DRG1: variants seen among roughly 807,000 people sequenced by gnomAD.
DRG1 encodes developmentally-regulated GTP-binding protein 1.
A neutral mutation model predicts 38.8 loss-of-function variants in DRG1; 19 were observed. The ratio of observed to expected loss-of-function variants is 0.49; its 90% confidence interval spans 0.34 to 0.72. The LOEUF (loss-of-function observed/expected upper bound fraction) is 0.72. DRG1 is among the 30% of genes least tolerant of loss of function. DRG1 has a pLI of 0.01. For synonymous variants in DRG1, 167 were observed against 157.5 expected, an observed-to-expected ratio of 1.06 and a Z score of -0.45; for missense variants, 299 against 444.8, an observed-to-expected ratio of 0.67 and a Z score of 2.95.
intron 6 of DRG1, 104 bp downstream of exon 6, chr22:31,423,514 T>G: frequency 1.7e-6 from 2 of 1,174,828 alleles, no homozygotes; most frequent in Non-Finnish European, 2.4e-6. Context: ...ATTCCAGTTG[T>G]CCTACTGTCT....
chr22:31,412,640 T>C (rs1363089279), intron 4 of DRG1, among the ~76,000 whole-genome samples: 1 of 151,996 alleles, frequency 6.6e-6, no homozygotes, highest in Non-Finnish European at 1.5e-5. Flanking sequence ...TGAACCACCG[T>C]GCCTGGCCCT....
At chr22:31,416,899 CAAAAA>C (rs695533) in intron 4 of DRG1, among the ~76,000 whole-genome samples, 2 of 127,402 alleles carry the variant, frequency 1.6e-5, no homozygotes, top group Non-Finnish European at 1.7e-5. Flanking sequence ...GATTCTGTCT[CAAAAA>C]AAAAAAAAAA....
chr22:31,407,294 C>T (rs535557192), intron 3 of DRG1, among the ~76,000 whole-genome samples: 6 of 152,218 alleles, frequency 3.9e-5, no homozygotes, highest in South Asian at 4.1e-4. Flanking sequence ...TGCTCATTTT[C>T]GCATCCATCT....
intron 6 of DRG1, among the ~76,000 whole-genome samples, chr22:31,424,512 T>TTG (rs2050096900): frequency 6.9e-6 from 1 of 143,950 alleles, no homozygotes; most frequent in Admixed American, 7.0e-5. Context: ...TTTTTTTTTT[T>TTG]TGTGAGACAA....
intron 4 of DRG1, among the ~76,000 whole-genome samples, chr22:31,416,728 C>T (rs888214311): frequency 2.0e-5 from 3 of 151,986 alleles, no homozygotes; most frequent in African/African-American, 7.2e-5. Context: ...CATGGTGAAA[C>T]CGCGTGTCTA....
At position 31,427,153 on chromosome 22, in the gene DRG1, T is replaced by G. The variant is rs1241676141; in HGVS notation, c.975T>G (p.Ile325Met). 3 of 1,614,140 alleles carry G rather than the reference T, an allele frequency of 1.9e-6. No individual in the cohort carries two copies. Among genetic ancestry groups the G allele is most frequent in the African/African-American group, 1.3e-5 (1 of 75,040 alleles). The change falls in exon 8 of 9, where the codon ATT becomes ATG. Residue 325 changes from isoleucine (I) to methionine (M), a missense_variant. This residue lies in a region of DRG1 where 198 missense variants were observed against 268.1 expected (regional missense o/e 0.74). Coordinates refer to ENST00000331457, the MANE Select transcript of DRG1 (RefSeq NM_004147.4). Reference protein sequence around the residue: ...RTTVEDFCMKIHKNLIKEFKY... With the variant: ...RTTVEDFCMKMHKNLIKEFKY... ...CAGTGGAGGATTTCTGCATGAAGAT[T>G]CACAAAAATCTTATCAAAGAATTTA...
intron 3 of DRG1, among the ~76,000 whole-genome samples, chr22:31,408,019 G>T (rs191099917): frequency 6.7e-6 from 1 of 150,138 alleles, no homozygotes; most frequent in Non-Finnish European, 1.5e-5. Context: ...CCAGCTACTC[G>T]GGAGGCTGAG....
At chr22:31,411,208 T>A in intron 4 of DRG1, 127 bp downstream of exon 4, 1 of 998,920 alleles carries the variant, frequency 1.0e-6, no homozygotes, top group Non-Finnish European at 1.5e-6. Context: ...GACTTCTCAT[T>A]TAAGTTGAAG....
At position 31,428,152 on chromosome 22, in the gene DRG1, TA is replaced by T. The variant is rs533099363; in HGVS notation, c.1004+971del. Among the ~76,000 whole-genome samples the T allele has an allele frequency of 1.6e-4, 24 of 152,032 alleles. No individual in the cohort carries two copies. The South Asian group carries it at 4.8e-3, about 30-fold the overall frequency. ...TAGGTGTGAGCCACTATGCCCAGCA[TA>T]TTAATTTTTTATTTTGAACTTATTT... On this transcript the variant is annotated intron_variant, in intron 8 of 8. Transcript: ENST00000331457.
intron 2 of DRG1, among the ~76,000 whole-genome samples, chr22:31,401,287 CA>C (rs770447979): frequency 0.022 from 2,505 of 114,830 alleles, 17 homozygotes; most frequent in Non-Finnish European, 0.031. Flanking sequence ...GAAGATGTAC[CA>C]AAAAAAAAAA....
chr22:31,403,751 G>A (rs535984246), intron 3 of DRG1, among the ~76,000 whole-genome samples: 1 of 151,372 alleles, frequency 6.6e-6, no homozygotes, highest in South Asian at 2.1e-4. Flanking sequence ...CAAAATGCGG[G>A]ATTACAGGTG....
intron 5 of DRG1, 67 bp downstream of exon 5, chr22:31,420,492 A>C: frequency 6.3e-7 from 1 of 1,585,792 alleles, no homozygotes. Flanking sequence ...ATTGGGGTGC[A>C]TGGACCCTGA....
chr22:31,409,790 T>A (rs570141449), intron 3 of DRG1, among the ~76,000 whole-genome samples: 2 of 152,094 alleles, frequency 1.3e-5, no homozygotes, highest in South Asian at 4.2e-4. Context: ...GCTCAGGAGT[T>A]CGAGACCAGC....
chr22:31,403,840 A>G lies in DRG1; in HGVS notation c.342+636A>G, dbSNP rs917804762. Among the ~76,000 whole-genome samples, 4 of 152,200 alleles carry G rather than the reference A, an allele frequency of 2.6e-5. No homozygotes were observed. The East Asian group carries it at 5.9e-4, about 22-fold the overall frequency. On this transcript the variant is annotated intron_variant, in intron 3 of 8. Transcript: ENST00000331457. ...TGGTCAGGTGCCCATGCAGAGACAC[A>G]TGTCCCTTTCTGGGATCCCGTGTCC...
At chr22:31,425,308 T>C (rs1197089861) in intron 6 of DRG1, among the ~76,000 whole-genome samples, 1 of 152,164 alleles carries the variant, frequency 6.6e-6, no homozygotes, top group East Asian at 1.9e-4. Flanking sequence ...AGTAGGTCAG[T>C]CTGCTCTTCC....
chr22:31,412,793 T>G (rs2050025111), intron 4 of DRG1, among the ~76,000 whole-genome samples: 1 of 151,788 alleles, frequency 6.6e-6, no homozygotes, highest in Non-Finnish European at 1.5e-5. Flanking sequence ...GGACTCAGGT[T>G]ATCCACCTCA....
intron 8 of DRG1, among the ~76,000 whole-genome samples, chr22:31,430,981 G>C (rs1333683000): frequency 7.0e-6 from 1 of 142,196 alleles, no homozygotes; most frequent in Admixed American, 7.3e-5. Flanking sequence ...GCTTCCCAAA[G>C]TGCTGGGATT....
At chr22:31,432,042 G>T (rs1042912947) in intron 8 of DRG1, among the ~76,000 whole-genome samples, 1 of 145,200 alleles carries the variant, frequency 6.9e-6, no homozygotes. Flanking sequence ...TTATTTTACT[G>T]TTTTTTTTTT....
chr22:31,433,558 C>T (rs1414372454), intron 8 of DRG1, among the ~76,000 whole-genome samples: 1 of 152,058 alleles, frequency 6.6e-6, no homozygotes, highest in Non-Finnish European at 1.5e-5. Context: ...GGCATGAGCC[C>T]CTGCGCCCGG....
Sources: allele counts gnomAD v4.1 joint callset (sites outside exome capture counted in the v4.1 genomes callset), GRCh38; gene constraint gnomAD v4.1.1; regional missense constraint gnomAD v4.1.1; transcripts MANE v1.5; gene names NCBI Gene and HGNC (gene_info 2026-07-23, HGNC 2026-07-21).